DCC: variants seen among roughly 807,000 people sequenced by gnomAD.
DCC encodes DCC netrin 1 receptor, also known as netrin receptor DCC.
In DCC, 58 loss-of-function variants were observed where a neutral mutation model predicts 172.5. The ratio of observed to expected loss-of-function variants is 0.34; its 90% CI spans 0.27 to 0.42. The LOEUF is 0.42. DCC is among the 10% of genes least tolerant of loss of function. DCC has a pLI of 1.00. For synonymous variants in DCC, 709 were observed against 644.5 expected (o/e 1.10, Z -1.52); for missense variants, 1,740 against 1,791.0 (o/e 0.97, Z 0.51).
chr18:52,953,722 G>C (rs565626167), intron 5 of DCC, among the ~76,000 whole-genome samples: 1 of 152,326 alleles, frequency 6.6e-6, no homozygotes, highest in South Asian at 2.1e-4. Context: ...ATTTCAGTGT[G>C]TTAGGAGCAG....
intron 5 of DCC, among the ~76,000 whole-genome samples, chr18:53,060,703 G>C (rs2042482162): frequency 6.6e-6 from 1 of 152,094 alleles, no homozygotes; most frequent in Non-Finnish European, 1.5e-5. Flanking sequence ...AGGTTTTAGG[G>C]ATTCACTACG....
At chr18:52,881,698 A>G (rs1176373817) in intron 2 of DCC, among the ~76,000 whole-genome samples, 4 of 152,114 alleles carry the variant, frequency 2.6e-5, no homozygotes, top group Non-Finnish European at 5.9e-5. Context: ...TGTGTTGGTT[A>G]CTATAGCTCT....
At chr18:52,873,355 T>C (rs2039352110) in intron 2 of DCC, among the ~76,000 whole-genome samples, 1 of 152,198 alleles carries the variant, frequency 6.6e-6, no homozygotes, top group South Asian at 2.1e-4. Context: ...TATCCCAGCC[T>C]TGGAAATAGA....
intron 1 of DCC, among the ~76,000 whole-genome samples, chr18:52,501,509 TC>T (rs1376587377): frequency 2.0e-5 from 3 of 152,118 alleles, no homozygotes; most frequent in African/African-American, 7.2e-5. Context: ...GTTTCAGTCT[TC>T]CTGAATTGTA....
chr18:52,736,706 C>A (rs767408860), intron 1 of DCC, among the ~76,000 whole-genome samples: 1 of 152,102 alleles, frequency 6.6e-6, no homozygotes, highest in Non-Finnish European at 1.5e-5. Flanking sequence ...ATATAGCAAA[C>A]AGTGACTTTT....
intron 3 of DCC, among the ~76,000 whole-genome samples, chr18:52,921,853 G>A (rs1013897874): frequency 2.0e-5 from 3 of 151,658 alleles, no homozygotes; most frequent in Non-Finnish European, 2.9e-5. Context: ...TTTCACAGGG[G>A]ATATTGTAGA....
chr18:53,336,408 A>G (rs13381535), intron 14 of DCC, among the ~76,000 whole-genome samples: 15,818 of 152,212 alleles, frequency 0.1, 887 homozygotes, highest in Middle Eastern at 0.19. Context: ...TGTATTAAGA[A>G]GTGAGTGGGC....
Position 53,086,249 on chromosome 18 carries a change from C to T in DCC, c.1261+20083C>T, listed in dbSNP as rs564357621. Among the ~76,000 whole-genome samples, 15 of 35,848 alleles carry T rather than the reference C, an allele frequency of 4.2e-4. 6 individuals carry two copies. The African/African-American group carries it at 5.5e-3, about 13-fold the overall frequency. 23.5% of individuals were successfully genotyped at this position (35,848 alleles called of 152,430 possible). On this transcript the variant is annotated intron_variant, in intron 7 of 28. Transcript: ENST00000442544. Reference sequence around the variant, plus strand: ...TCTTCCGTTCTTCTTCTTCTTCTTCCTTTCTTCTTCTTCTTCTTCTTCTTC... The same window carrying T: ...TCTTCCGTTCTTCTTCTTCTTCTTCTTTTCTTCTTCTTCTTCTTCTTCTTC...
intron 1 of DCC, among the ~76,000 whole-genome samples, chr18:52,672,633 C>T (rs1281525410): frequency 3.3e-5 from 5 of 151,388 alleles, no homozygotes; most frequent in African/African-American, 1.2e-4. Flanking sequence ...CCCTCCTTCC[C>T]TCTTTCCTCT....
chr18:52,589,192 G>A (rs1243833734), intron 1 of DCC, among the ~76,000 whole-genome samples: 1 of 152,128 alleles, frequency 6.6e-6, no homozygotes, highest in Non-Finnish European at 1.5e-5. Context: ...TAGGATCTGG[G>A]GGGTCAGTGA....
intron 1 of DCC, among the ~76,000 whole-genome samples, chr18:52,370,178 G>A (rs1207766889): frequency 1.3e-5 from 2 of 152,036 alleles, no homozygotes; most frequent in Admixed American, 6.6e-5. Flanking sequence ...GCGATTCCTC[G>A]AAGATCTAGA....
chr18:53,183,954 A>T (rs960919387), intron 9 of DCC, among the ~76,000 whole-genome samples: 4 of 151,598 alleles, frequency 2.6e-5, no homozygotes, highest in Non-Finnish European at 5.9e-5. Context: ...GCAAAAATGA[A>T]ATATGATAAC....
intron 12 of DCC, among the ~76,000 whole-genome samples, chr18:53,297,138 T>G (rs1332775759): frequency 6.7e-6 from 1 of 150,138 alleles, no homozygotes; most frequent in African/African-American, 2.5e-5. Context: ...ACCTCTTTTT[T>G]TCCTGTTTCC....
chr18:52,822,090 A>G (rs951209778), intron 2 of DCC, among the ~76,000 whole-genome samples: 3 of 152,224 alleles, frequency 2.0e-5, no homozygotes, highest in Non-Finnish European at 4.4e-5. Flanking sequence ...ACTGAACTAC[A>G]CAGCTTAGAG....
At chr18:52,455,902 C>T (rs543914191) in intron 1 of DCC, among the ~76,000 whole-genome samples, 3 of 152,218 alleles carry the variant, frequency 2.0e-5, no homozygotes, top group African/African-American at 4.8e-5. Context: ...ACCCTACTTC[C>T]GTATGTAAGT....
At chr18:52,924,460 C>G (rs963584680) in intron 4 of DCC, among the ~76,000 whole-genome samples, 2 of 151,920 alleles carry the variant, frequency 1.3e-5, no homozygotes, top group Non-Finnish European at 2.9e-5. Flanking sequence ...CCAGCTATAA[C>G]AAATATTTAA....
At chr18:52,546,806 A>G (rs140077673) in intron 1 of DCC, among the ~76,000 whole-genome samples, 4 of 152,188 alleles carry the variant, frequency 2.6e-5, no homozygotes, top group South Asian at 4.1e-4. Context: ...TGCTTGGCCA[A>G]TTCTCATGCT....
At chr18:52,615,846 A>G (rs1169413091) in intron 1 of DCC, among the ~76,000 whole-genome samples, 1 of 152,156 alleles carries the variant, frequency 6.6e-6, no homozygotes, top group African/African-American at 2.4e-5. Context: ...AAGATGTAAT[A>G]TACTGGGTTT....
At chr18:53,120,912 G>A (rs1033107482) in intron 7 of DCC, among the ~76,000 whole-genome samples, 3 of 151,828 alleles carry the variant, frequency 2.0e-5, no homozygotes, top group Non-Finnish European at 2.9e-5. Context: ...AGGGATTACT[G>A]AGGAAATTTT....
Sources: gnomAD v4.1 joint callset for allele counts (sites outside exome capture counted in the v4.1 genomes callset) on GRCh38, gnomAD v4.1.1 for gene constraint, MANE v1.5 for transcripts, NCBI Gene and HGNC (gene_info 2026-07-23, HGNC 2026-07-21) for gene names.